Variants in WDPCP observed in about 807,000 individuals in gnomAD.
WDPCP encodes WD repeat-containing and planar cell polarity effector protein fritz homolog.
Under a neutral mutation model 93.1 loss-of-function variants are expected in WDPCP, and 71 were observed. The observed-to-expected ratio is 0.76, with a 90% CI of 0.63 to 0.93. The LOEUF is 0.93. WDPCP is among the 40% of genes least tolerant of loss of function. WDPCP has a pLI of 0.00. For missense variants in WDPCP, 844 were observed against 887.4 expected (o/e 0.95, Z 0.62); for synonymous variants, 315 against 315.0 (o/e 1.00, Z 0.00).
At chr2:63,181,277 A>G (rs1674220590) in intron 14 of WDPCP, among the ~76,000 whole-genome samples, 1 of 152,156 alleles carries the variant, frequency 6.6e-6, no homozygotes, top group South Asian at 2.1e-4. Context: ...ATCTAGGCCA[A>G]TGTCCAGAGG....
At chr2:63,379,186 T>C (rs773636445) in intron 11 of WDPCP, among the ~76,000 whole-genome samples, 9 of 152,076 alleles carry the variant, frequency 5.9e-5, no homozygotes, top group Admixed American at 2.6e-4. Flanking sequence ...TACCAAGACA[T>C]GCTCATGGGA....
chr2:63,205,762 A>G (rs1030060520), intron 14 of WDPCP, among the ~76,000 whole-genome samples: 3 of 152,310 alleles, frequency 2.0e-5, no homozygotes, highest in Admixed American at 2.0e-4. Flanking sequence ...AGATCATAGC[A>G]TCTGCAAACA....
intron 2 of WDPCP, among the ~76,000 whole-genome samples, chr2:63,739,038 T>C (rs142152133): frequency 6.6e-6 from 1 of 152,214 alleles, no homozygotes; most frequent in Non-Finnish European, 1.5e-5. Flanking sequence ...CATTGTTTTT[T>C]AACTTTTATT....
intron 6 of WDPCP, among the ~76,000 whole-genome samples, chr2:63,453,805 G>C (rs923052354): frequency 6.6e-6 from 1 of 151,966 alleles, no homozygotes; most frequent in Non-Finnish European, 1.5e-5. Flanking sequence ...GGACACGGAT[G>C]AAGCAGGAAA....
intron 14 of WDPCP, among the ~76,000 whole-genome samples, chr2:63,196,056 A>G (rs1369038329): frequency 6.6e-6 from 1 of 152,188 alleles, no homozygotes; most frequent in Non-Finnish European, 1.5e-5. Flanking sequence ...TTGTCTCTTA[A>G]GTAAATTGTG....
At chr2:63,705,062 C>T (rs1669127163) in intron 2 of WDPCP, among the ~76,000 whole-genome samples, 1 of 152,162 alleles carries the variant, frequency 6.6e-6, no homozygotes, top group South Asian at 2.1e-4. Context: ...TCCATTTCTT[C>T]TAGATTTTCT....
chr2:63,204,531 G>A (rs574800615), intron 14 of WDPCP, among the ~76,000 whole-genome samples: 22 of 151,614 alleles, frequency 1.5e-4, no homozygotes, highest in Non-Finnish European at 2.7e-4. Flanking sequence ...TAGTTGAGTC[G>A]GGGTTTCACC....
At chr2:63,719,989 T>C (rs989700324) in intron 2 of WDPCP, among the ~76,000 whole-genome samples, 1 of 152,200 alleles carries the variant, frequency 6.6e-6, no homozygotes, top group Non-Finnish European at 1.5e-5. Context: ...AAACTATGAA[T>C]AGTGGTTGCC....
At chr2:63,571,630 T>C (rs1472034696) in intron 1 of WDPCP, 1 of 471,030 alleles carries the variant, frequency 2.1e-6, no homozygotes, top group Admixed American at 2.3e-5. Flanking sequence ...TGGTTTTCTG[T>C]AAAAGGATTA....
chr2:63,650,124 C>T (rs551039042), intron 3 of WDPCP, among the ~76,000 whole-genome samples: 9 of 152,310 alleles, frequency 5.9e-5, no homozygotes, highest in African/African-American at 9.6e-5. Flanking sequence ...TTGGATGTTA[C>T]GTCCAAGACC....
chr2:63,475,049 T>A (rs75228582), intron 6 of WDPCP, among the ~76,000 whole-genome samples: 1 of 152,108 alleles, frequency 6.6e-6, no homozygotes, highest in African/African-American at 2.4e-5. Flanking sequence ...ACTTTTTTTT[T>A]AAGTGGGAAA....
At chr2:63,836,354 G>T in the WDPCP span, among the ~76,000 whole-genome samples, 1 of 152,138 alleles carries the variant, frequency 6.6e-6, no homozygotes, top group Admixed American at 6.5e-5. Flanking sequence ...GCACAACAGG[G>T]AATCTTTCAT....
At chr2:63,722,742 G>A (rs1382699814) in intron 2 of WDPCP, among the ~76,000 whole-genome samples, 2 of 151,628 alleles carry the variant, frequency 1.3e-5, no homozygotes, top group Non-Finnish European at 2.9e-5. Flanking sequence ...ACTGGGAAGT[G>A]AGGACCCCCT....
chr2:63,721,840 C>T lies in WDPCP; in HGVS notation n.309-71002G>A, dbSNP rs948827361. ...ATCTCGGCTCACTGCAACCTCCCTG[C>T]CTGATTCTCCTGACTCAGCCTGCCG... On this transcript the variant is annotated intron_variant and non_coding_transcript_variant, in intron 2 of 4. Coordinates refer to the WDPCP transcript ENST00000467687. Among the ~76,000 whole-genome samples the T allele has an allele frequency of 2.4e-4, 37 of 152,210 alleles. 1 individual carries two copies. Among genetic ancestry groups the T allele is most frequent in the African/African-American group, 7.9e-4 (33 of 41,552 alleles).
chr2:63,805,822 T>C (rs1225145571), intron 2 of WDPCP, among the ~76,000 whole-genome samples: 1 of 152,200 alleles, frequency 6.6e-6, no homozygotes, highest in Admixed American at 6.5e-5. Flanking sequence ...AAATCTCATG[T>C]TAAAATGTAA....
In WDPCP at chr2:63,338,565, AAAAAATATATATATATATATATATAT is replaced by A. The variant is rs1322791500; in HGVS notation, c.1749-25280_1749-25255del. Among the ~76,000 whole-genome samples the A allele has an allele frequency of 2.2e-3, 90 of 40,470 alleles. 4 individuals are homozygous for A. The South Asian group carries it at 0.033, about 15-fold the overall frequency. The allele number at this position is 40,470 out of a possible 152,430, so 26.5% of individuals were successfully genotyped here. On this transcript the variant is annotated intron_variant, in intron 12 of 17. Transcript: ENST00000272321. ...AAAACTCCATCTAAAAAAAAAAAAA[AAAAAATATATATATATATATATATAT>A]ATATATATATATATATATATATATA...
At chr2:63,706,628 GA>G (rs1669158923) in intron 2 of WDPCP, among the ~76,000 whole-genome samples, 1 of 3,450 alleles carries the variant, frequency 2.9e-4, no homozygotes, top group African/African-American at 9.9e-4. Context: ...TTTTTTTTTT[GA>G]GACGGAGTCT....
intron 12 of WDPCP, among the ~76,000 whole-genome samples, chr2:63,374,189 A>C (rs963915409): frequency 2.6e-5 from 4 of 151,848 alleles, no homozygotes; most frequent in African/African-American, 9.7e-5. Context: ...CCCATTCTGC[A>C]TGAGCTCTCA....
At chr2:63,420,558 GA>G (rs1367448565) in intron 9 of WDPCP, among the ~76,000 whole-genome samples, 1 of 149,756 alleles carries the variant, frequency 6.7e-6, no homozygotes, top group African/African-American at 2.5e-5. Context: ...AAGAATGAAA[GA>G]AATATCATAG....
Sources: gnomAD v4.1 joint callset for allele counts (sites outside exome capture counted in the v4.1 genomes callset) on GRCh38, gnomAD v4.1.1 for gene constraint, MANE v1.5 for transcripts, NCBI Gene and HGNC (gene_info 2026-07-23, HGNC 2026-07-21) for gene names.